Variants in ATP1A1 observed in about 807,000 individuals in gnomAD.
ATP1A1 encodes sodium/potassium-transporting ATPase subunit alpha-1.
In ATP1A1, 14 loss-of-function variants were observed where a neutral mutation model predicts 114.8. The observed-to-expected ratio is 0.12, with a 90% confidence interval of 0.08 to 0.19. The LOEUF is 0.19. Ranked by LOEUF, ATP1A1 falls within the 10% of genes least tolerant of loss-of-function variation. ATP1A1 has a pLI of 1.00. For missense variants in ATP1A1, 524 were observed against 1,290.7 expected (o/e 0.41, Z 9.10); for synonymous variants, 471 against 466.3 (o/e 1.01, Z -0.13).
rs1306195212 is a variant in ATP1A1 at position 116,395,662 on chromosome 1, ATC to A, written c.1836+379_1836+380del. Among the ~76,000 whole-genome samples, 1 of 152,112 alleles carries A rather than the reference ATC, an allele frequency of 6.6e-6. No homozygotes were observed. Among genetic ancestry groups the A allele is most frequent in the African/African-American group, 2.4e-5 (1 of 41,418 alleles). On this transcript the variant is annotated intron_variant, in intron 13 of 22. Coordinates refer to ENST00000295598, the MANE Select transcript of ATP1A1 (RefSeq NM_000701.8). This position sits in a 1 kb window ranked among gnomAD's most constrained non-coding sequence, Gnocchi z 6.4. ...AATGAGTGTTTGGTGTCCTCTGTGT[ATC>A]TGTCTTTTTTTAAGTAGCTGAATAT...
chr1:116,393,804 C>T lies in ATP1A1; in HGVS notation c.1660+81C>T. On this transcript the variant is annotated intron_variant, in intron 12 of 22. Transcript: ENST00000295598. The surrounding 1 kb of genome is among the most constrained non-coding windows in gnomAD (Gnocchi z 5.0). The stretch of plus-strand genomic sequence containing the variant: ...GTCTGGTAGACAGTTAACAAGTGAT[C>T]CTATGAACCTCTATGTCTTGTTGAC... The T allele has an allele frequency of 4.4e-6, 6 of 1,358,262 alleles. No individual in the cohort carries two copies. Among genetic ancestry groups the T allele is most frequent in the Admixed American group, 2.5e-5 (1 of 39,526 alleles). The allele number at this position is 1,358,262 out of a possible 1,614,324, so 84.1% of individuals were successfully genotyped here. A position where few individuals can be genotyped will look rare whatever the true frequency, so the allele number is the denominator to read the frequency against.
chr1:116,382,418 T>C (rs2101035923), intron 1 of ATP1A1: 1 of 152,342 alleles, frequency 6.6e-6, no homozygotes, highest in Non-Finnish European at 1.5e-5. Flanking sequence ...CACCAAGAGC[T>C]GTACCGAAAG....
Position 116,404,027 on chromosome 1 carries a change from GTTCTATTGGT to G in ATP1A1, c.3043+55_3043+64del. ...TGGAGGAGGAGTGGGAGGGGCTATA[GTTCTATTGGT>G]TTTTTGTTTCCCTCAAGGTGTCTAG... On this transcript the variant is annotated intron_variant, in intron 22 of 22. Transcript: ENST00000295598. The surrounding 1 kb of genome is among the most constrained non-coding windows in gnomAD (Gnocchi z 4.8). 1 of 1,552,724 alleles carries G rather than the reference GTTCTATTGGT, an allele frequency of 6.4e-7. No homozygotes were observed. Among genetic ancestry groups the G allele is most frequent in the Non-Finnish European group, 8.8e-7 (1 of 1,130,790 alleles).
Position 116,374,117 on chromosome 1 carries a change from C to G in ATP1A1, c.12+594C>G, listed in dbSNP as rs1020384445. 4.6e-6 allele frequency: 7 copies of G among 1,537,716 alleles called. No homozygotes were observed. The African/African-American group carries it at 8.3e-5, about 18-fold the overall frequency. On this transcript the variant is annotated intron_variant, in intron 1 of 22. Coordinates refer to ENST00000295598, the MANE Select transcript of ATP1A1 (RefSeq NM_000701.8). ...TTCTCCTGGGGACGCTGGGGCTTAG[C>G]TTGCTCCGCGCAGAGGCGGCCGCCC...
rs941757414 is a variant in ATP1A1 at position 116,373,318 on chromosome 1, G to C, written c.-194G>C. On this transcript the variant is annotated 5_prime_UTR_variant, in exon 1 of 23. Transcript: ENST00000295598. ...CACGTGGCAACAGCGGTAGCAGCCC[G>C]GGCGGCGGCAGCAACAGCGGCGGCG... is the stretch of plus-strand genomic sequence containing the variant. The C allele has an allele frequency of 2.2e-6, 1 of 463,810 alleles. No individual in the cohort carries two copies. The highest frequency in any genetic ancestry group is 3.6e-6 in the Non-Finnish European group (1 of 276,608). 28.7% of individuals were successfully genotyped at this position (463,810 alleles called of 1,614,324 possible). A position where few individuals can be genotyped will look rare whatever the true frequency, so the allele number is the denominator to read the frequency against.
At chr1:116,390,454 C>G (rs377374839) in intron 9 of ATP1A1, 43 bp downstream of exon 9, 1 of 1,536,530 alleles carries the variant, frequency 6.5e-7, no homozygotes, top group East Asian at 2.3e-5. Flanking sequence ...CTGCTGACTT[C>G]GCTTGGTTTT....
At position 116,373,614 on chromosome 1, in the gene ATP1A1, C is replaced by T. The variant is rs7515403; in HGVS notation, c.12+91C>T. 180 of 1,242,814 alleles carry T rather than the reference C, an allele frequency of 1.4e-4. 1 individual carries two copies. The African/African-American group carries it at 2.4e-3, about 16-fold the overall frequency. The allele number at this position is 1,242,814 out of a possible 1,614,324, so 77.0% of individuals were successfully genotyped here. On this transcript the variant is annotated intron_variant, in intron 1 of 22. Coordinates refer to ENST00000295598, the MANE Select transcript of ATP1A1 (RefSeq NM_000701.8). Reference sequence around the variant, plus strand: ...GAGGGCGACCGCGGCCAGCGGGAGGCGGCGGAGGAGGAAGCGGCGCCGCGT... The same window carrying T: ...GAGGGCGACCGCGGCCAGCGGGAGGTGGCGGAGGAGGAAGCGGCGCCGCGT...
intron 1 of ATP1A1, 120 bp from the exon 2 acceptor site, chr1:116,383,894 C>A: frequency 1.3e-6 from 1 of 793,492 alleles, no homozygotes; most frequent in Non-Finnish European, 2.1e-6. Context: ...TGACTATTAT[C>A]TTAATGACTA....
chr1:116,400,728 C>T (rs1653394818), intron 18 of ATP1A1, 133 bp from the exon 19 acceptor site: 9 of 1,134,542 alleles, frequency 7.9e-6, no homozygotes, highest in South Asian at 3.0e-5. Context: ...CAATTCTTTC[C>T]TGTGCTTTTA....
chr1:116,394,072 T>C (rs1004341674), intron 12 of ATP1A1, among the ~76,000 whole-genome samples: 2 of 152,222 alleles, frequency 1.3e-5, no homozygotes, highest in South Asian at 2.1e-4. Context: ...ACATGACTTA[T>C]AAGCCTAATT....
chr1:116,393,533 G>C lies in ATP1A1; in HGVS notation c.1470G>C (p.Leu490Phe). ...IPFNSTNKYQ[L>F]SIHKNPNTSE... ...TATGTCTCAACAATCCTTCACAGTT[G>C]TCTATTCATAAGAACCCCAACACAT... The change falls in exon 12 of 23, where the codon TTG (leucine) becomes TTC (phenylalanine). Residue 490 changes from leucine (L) to phenylalanine (F), a missense_variant and splice_region_variant. Coordinates refer to ENST00000295598, the MANE Select transcript of ATP1A1 (RefSeq NM_000701.8). This position sits in a 1 kb window ranked among gnomAD's most constrained non-coding sequence, Gnocchi z 5.0. 1 of 1,612,172 alleles carries C rather than the reference G, an allele frequency of 6.2e-7. No individual in the cohort carries two copies. The highest frequency in any genetic ancestry group is 8.5e-7 in the Non-Finnish European group (1 of 1,178,966).
intron 1 of ATP1A1, among the ~76,000 whole-genome samples, chr1:116,378,992 G>T (rs1343095359): frequency 6.6e-6 from 1 of 152,178 alleles, no homozygotes; most frequent in Non-Finnish European, 1.5e-5. Context: ...TTGTCTGATT[G>T]TTCTTAATAA....
At chr1:116,377,862 C>G (rs1456264252) in intron 1 of ATP1A1, among the ~76,000 whole-genome samples, 1 of 152,196 alleles carries the variant, frequency 6.6e-6, no homozygotes, top group Non-Finnish European at 1.5e-5. Context: ...TTCTAGATTA[C>G]ACTGAAAGTA....
rs757991766 is a variant in ATP1A1 at position 116,387,913 on chromosome 1, C to T, written c.388-218C>T. On this transcript the variant is annotated intron_variant, in intron 4 of 22. Coordinates refer to ENST00000295598, the MANE Select transcript of ATP1A1 (RefSeq NM_000701.8). The surrounding 1 kb of genome is among the most constrained non-coding windows in gnomAD (Gnocchi z 6.7). ...GAAACTGATGCATCTAGAACCTTTCCAAACGTCCAGTTAGTGATCAAGTGT... is the reference window on the plus strand; with the variant it reads ...GAAACTGATGCATCTAGAACCTTTCTAAACGTCCAGTTAGTGATCAAGTGT... 9.2e-5 allele frequency among the ~76,000 whole-genome samples: 14 copies of T among 152,242 alleles called. No homozygotes were observed. The highest frequency in any genetic ancestry group is 1.9e-4 in the Non-Finnish European group (13 of 68,040).
chr1:116,400,661 T>C (rs991850391), intron 18 of ATP1A1, among the ~76,000 whole-genome samples, 200 bp from the exon 19 acceptor site: 4 of 152,130 alleles, frequency 2.6e-5, no homozygotes, highest in African/African-American at 7.2e-5. Flanking sequence ...GGCCCTGAGA[T>C]TGGAGTGTAT....
At position 116,404,615 on chromosome 1, in the gene ATP1A1, A is replaced by AG. The variant is rs35744092; in HGVS notation, c.*177dup. The AG allele has an allele frequency of 1.2e-6, 1 of 809,758 alleles. No homozygotes were observed. Among genetic ancestry groups the AG allele is most frequent in the Non-Finnish European group, 1.7e-6 (1 of 580,232 alleles). 50.2% of individuals were successfully genotyped at this position (809,758 alleles called of 1,614,324 possible). On this transcript the variant is annotated 3_prime_UTR_variant, in exon 23 of 23. Transcript: ENST00000295598. The surrounding 1 kb of genome is among the most constrained non-coding windows in gnomAD (Gnocchi z 4.8). The stretch of plus-strand genomic sequence containing the variant: ...ATGAAGCATGTAGCTCTATGGGGGG[A>AG]GGGGGGAGGGCTGCCTGAAAACCAT...
Position 116,395,255 on chromosome 1 carries a change from C to T in ATP1A1, c.1806C>T (p.Ala602=), listed in dbSNP as rs771986964. 9 of 1,614,020 alleles carry T rather than the reference C, an allele frequency of 5.6e-6. No homozygotes were observed. In the East Asian group the frequency reaches 1.1e-4, roughly 20 times the overall value. The change falls in exon 13 of 23, where the codon GCC becomes GCT. Residue 602 remains alanine (A), a synonymous_variant. Coordinates refer to ENST00000295598, the MANE Select transcript of ATP1A1 (RefSeq NM_000701.8). This position sits in a 1 kb window ranked among gnomAD's most constrained non-coding sequence, Gnocchi z 6.4. The part of the protein sequence containing the change: ...IDPPRAAVPD[A]VGKCRSAGIK... ...CTCCACGGGCGGCCGTTCCTGATGCCGTGGGCAAATGTCGAAGTGCTGGAA... is the reference window on the plus strand; with the variant it reads ...CTCCACGGGCGGCCGTTCCTGATGCTGTGGGCAAATGTCGAAGTGCTGGAA...
intron 1 of ATP1A1, chr1:116,373,778 C>T: frequency 1.3e-6 from 1 of 793,228 alleles, no homozygotes; most frequent in Non-Finnish European, 1.4e-6. Flanking sequence ...GGACCCTGGG[C>T]GGGGGCTGCG....
At position 116,404,654 on chromosome 1, in the gene ATP1A1, T is replaced by C; in HGVS notation, c.*210T>C. 7.7e-7 allele frequency: 1 copy of C among 1,300,104 alleles called. No individual in the cohort carries two copies. The highest frequency in any genetic ancestry group is 9.7e-7 in the Non-Finnish European group (1 of 1,028,598). The allele number at this position is 1,300,104 out of a possible 1,614,324, so 80.5% of individuals were successfully genotyped here. On this transcript the variant is annotated 3_prime_UTR_variant, in exon 23 of 23. Transcript: ENST00000295598. This position sits in a 1 kb window ranked among gnomAD's most constrained non-coding sequence, Gnocchi z 4.8. ...CCTGAAAACCATCCATCTGTGGAAA[T>C]GACAGCGGGGAAGGTTTTTATGTGC...
Sources: gnomAD v4.1 joint callset for allele counts (sites outside exome capture counted in the v4.1 genomes callset) on GRCh38, gnomAD v4.1.1 for gene constraint, Gnocchi (gnomAD v3.1) non-coding constraint, MANE v1.5 for transcripts, NCBI Gene and HGNC (gene_info 2026-07-23, HGNC 2026-07-21) for gene names.